Variants in PAM observed in about 807,000 individuals in gnomAD.
PAM encodes peptidyl-glycine alpha-amidating monooxygenase.
In PAM, 72 loss-of-function variants were observed where a neutral mutation model predicts 122.1. The ratio of observed to expected loss-of-function variants is 0.59; its 90% CI spans 0.49 to 0.72. PAM has a LOEUF of 0.72. PAM is among the 30% of genes least tolerant of loss of function. The probability of loss-of-function intolerance (pLI) is 0.00; values close to 1 mark genes in which losing one functional copy is unlikely to be tolerated. For missense variants in PAM, 1,106 were observed against 1,183.7 expected (o/e 0.93, Z 0.96); for synonymous variants, 389 against 404.4 (o/e 0.96, Z 0.46).
chr5:102,831,358 A>C (rs1007670508), intron 1 of PAM, among the ~76,000 whole-genome samples: 1 of 152,190 alleles, frequency 6.6e-6, no homozygotes, highest in Non-Finnish European at 1.5e-5. Flanking sequence ...AAACATAGAA[A>C]AGATGTGTGA....
intron 22 of PAM, among the ~76,000 whole-genome samples, chr5:103,018,601 T>C (rs541557661): frequency 1.3e-5 from 2 of 152,002 alleles, no homozygotes; most frequent in South Asian, 2.1e-4. Context: ...GAAGGCAGGG[T>C]CAGACAATAA....
intron 7 of PAM, 145 bp downstream of exon 7, chr5:102,926,813 G>A: frequency 1.8e-6 from 1 of 555,866 alleles, no homozygotes. Flanking sequence ...CCTTTAATTT[G>A]GAACTGTTGA....
chr5:103,002,897 T>G lies in PAM; in HGVS notation c.1614-136T>G. 4.7e-6 allele frequency: 3 copies of G among 632,092 alleles called. No individual in the cohort carries two copies. The South Asian group carries it at 5.6e-5, about 12-fold the overall frequency. 39.2% of individuals were successfully genotyped at this position (632,092 alleles called of 1,614,324 possible). A position where few individuals can be genotyped will look rare whatever the true frequency, so the allele number is the denominator to read the frequency against. On this transcript the variant is annotated intron_variant, in intron 16 of 25. Transcript: ENST00000438793. The stretch of plus-strand genomic sequence containing the variant: ...TGGGGTATATTATAATCCAAATGAC[T>G]GAAATGTGGCAGACAAAGAGTGAAG...
intron 17 of PAM, 124 bp downstream of exon 17, chr5:103,003,273 G>A (rs562550434): frequency 5.6e-6 from 3 of 539,314 alleles, no homozygotes; most frequent in Admixed American, 3.2e-5. Flanking sequence ...AACTAACTGG[G>A]CCATCCCATC....
At chr5:102,816,256 A>G (rs972538028) in intron 1 of PAM, among the ~76,000 whole-genome samples, 7 of 152,220 alleles carry the variant, frequency 4.6e-5, no homozygotes, top group South Asian at 2.1e-4. Context: ...TAAAATTACT[A>G]TTTTACCACT....
At chr5:102,788,023 C>T (rs563718995) in intron 1 of PAM, among the ~76,000 whole-genome samples, 17 of 152,080 alleles carry the variant, frequency 1.1e-4, no homozygotes, top group South Asian at 8.3e-4. Context: ...TATTCCTCAC[C>T]GTAAAAATAC....
intron 1 of PAM, among the ~76,000 whole-genome samples, chr5:102,792,889 A>G (rs1039584744): frequency 6.6e-6 from 1 of 152,212 alleles, no homozygotes; most frequent in Non-Finnish European, 1.5e-5. Flanking sequence ...AAAGTGACAC[A>G]AAAGTATTAG....
chr5:103,030,850 C>A (rs1786137521), downstream of PAM: 1 of 152,168 alleles, frequency 6.6e-6, no homozygotes, highest in African/African-American at 2.4e-5. Flanking sequence ...TTAAATTTGT[C>A]CAGGTGTTTC....
intron 3 of PAM, among the ~76,000 whole-genome samples, chr5:102,875,619 A>G (rs1581207584): frequency 6.6e-6 from 1 of 152,236 alleles, no homozygotes; most frequent in Admixed American, 6.5e-5. Flanking sequence ...TTTGCAATGA[A>G]GAATTTTTTT....
intron 1 of PAM, among the ~76,000 whole-genome samples, chr5:102,780,580 C>T (rs1280573943): frequency 1.3e-5 from 2 of 151,980 alleles, no homozygotes; most frequent in South Asian, 4.2e-4. Flanking sequence ...AGGTCGTGCA[C>T]ATTGCATGGT....
chr5:102,836,859 CGAGAGAGAGAGA>C lies in PAM; in HGVS notation c.-373-28936_-373-28925del, dbSNP rs57617414. Reference sequence around the variant, plus strand: ...ATTATGGATGGACCAAGAAAGAAACCGAGAGAGAGAGAGAGAGAGAGAGAGAGAGAGAGAGAG... The same window carrying C: ...ATTATGGATGGACCAAGAAAGAAACCGAGAGAGAGAGAGAGAGAGAGAGAG... On this transcript the variant is annotated intron_variant, in intron 1 of 25. Transcript: ENST00000438793. Among the ~76,000 whole-genome samples the C allele has an allele frequency of 1.2e-3, 142 of 120,828 alleles. 2 individuals are homozygous for C. In the East Asian group the frequency reaches 0.026, roughly 22 times the overall value. 79.3% of individuals were successfully genotyped at this position (120,828 alleles called of 152,430 possible). A position where few individuals can be genotyped will look rare whatever the true frequency, so the allele number is the denominator to read the frequency against.
chr5:103,016,834 A>G (rs1230450941), intron 21 of PAM, among the ~76,000 whole-genome samples: 1 of 152,226 alleles, frequency 6.6e-6, no homozygotes, highest in Non-Finnish European at 1.5e-5. Context: ...AATCTCTGAA[A>G]TGATTTTTCT....
At chr5:102,860,859 T>C (rs957921931) in intron 1 of PAM, among the ~76,000 whole-genome samples, 5 of 152,144 alleles carry the variant, frequency 3.3e-5, no homozygotes, top group African/African-American at 1.2e-4. Context: ...AATAAAATGC[T>C]ATGGTAGCCA....
Position 102,867,208 on chromosome 5 carries a change from C to T in PAM, c.90-65C>T. On this transcript the variant is annotated intron_variant, in intron 2 of 25. Transcript: ENST00000438793. ...TAAGGTCATAGAATTCCTTTCTTTC[C>T]CCTTCTCATGTTGAGTTTAGATTCC... is the stretch of plus-strand genomic sequence containing the variant. The T allele has an allele frequency of 4.5e-6, 5 of 1,100,992 alleles. No homozygotes were observed. The South Asian group carries it at 5.6e-5, about 12-fold the overall frequency. 68.2% of individuals were successfully genotyped at this position (1,100,992 alleles called of 1,614,324 possible).
intron 7 of PAM, 64 bp downstream of exon 7, chr5:102,926,732 C>G (rs1749706821): frequency 6.1e-6 from 5 of 823,054 alleles, no homozygotes; most frequent in Admixed American, 5.8e-5. Context: ...AATACATGCA[C>G]AAACTATTAT....
At chr5:102,829,654 G>T (rs528724140) in intron 1 of PAM, among the ~76,000 whole-genome samples, 9 of 152,272 alleles carry the variant, frequency 5.9e-5, no homozygotes, top group African/African-American at 1.9e-4. Flanking sequence ...GATTACAGGC[G>T]TGAGCCACTG....
rs149157168 is a variant in PAM, at chr5:102,898,499, CT to C, written c.211-2855del. On this transcript the variant is annotated intron_variant, in intron 3 of 25. Coordinates refer to ENST00000438793, the MANE Select transcript of PAM (RefSeq NM_001177306.2). The stretch of plus-strand genomic sequence containing the variant: ...GGGCAATAAGGTGCTGTCTTTATCT[CT>C]TCAGAATGTGTTTCAGAGAAACATT... 3.6e-4 allele frequency among the ~76,000 whole-genome samples: 54 copies of C among 151,776 alleles called. No individual in the cohort carries two copies. The East Asian group carries it at 9.4e-3, about 26-fold the overall frequency.
intron 1 of PAM, among the ~76,000 whole-genome samples, chr5:102,840,352 C>A (rs1183516690): frequency 6.6e-6 from 1 of 151,932 alleles, no homozygotes; most frequent in Non-Finnish European, 1.5e-5. Flanking sequence ...ATTATTTTGT[C>A]TTGTAAGCTT....
intron 15 of PAM, chr5:102,987,662 T>G: frequency 2.7e-6 from 1 of 366,982 alleles, no homozygotes; most frequent in South Asian, 2.1e-5. Flanking sequence ...TTCGTACCAA[T>G]AAAACATGTT....
Sources: gnomAD v4.1 joint callset for allele counts (sites outside exome capture counted in the v4.1 genomes callset) on GRCh38, gnomAD v4.1.1 for gene constraint, MANE v1.5 for transcripts, NCBI Gene and HGNC (gene_info 2026-07-23, HGNC 2026-07-21) for gene names.